A2ML1: variants seen among roughly 807,000 people sequenced by gnomAD.
A2ML1 encodes the protein alpha-2-macroglobulin-like protein 1.
A neutral mutation model predicts 181.9 loss-of-function variants in A2ML1; 161 were observed. That is an observed-to-expected ratio of 0.89 (90% CI 0.78 to 1.01). A2ML1 has a LOEUF of 1.01. A2ML1 is among the 50% of genes least tolerant of loss of function. The pLI, the probability that A2ML1 is intolerant of heterozygous loss-of-function variation, is 0.00. For synonymous variants in A2ML1, 663 were observed against 666.8 expected, an observed-to-expected ratio of 0.99 and a Z score of 0.09; for missense variants, 1,670 against 1,768.1, an observed-to-expected ratio of 0.94 and a Z score of 1.00.
At position 8,836,332 on chromosome 12, in the gene A2ML1, T is replaced by G. The variant is rs755860036; in HGVS notation, c.721T>G (p.Cys241Gly). ...TVQESFLVKI[C>G]CRYTYGKPML... ...GCAGGAATCTTTCTTAGTAAAAATTTGTTGTAGGTAAGAGCAGAAGCTTGG... is the reference window on the plus strand; with the variant it reads ...GCAGGAATCTTTCTTAGTAAAAATTGGTTGTAGGTAAGAGCAGAAGCTTGG... Residue 241 changes from cysteine (C) to glycine (G), a missense_variant, in exon 7 of 36, where the codon TGT (cysteine) becomes GGT (glycine). Physicochemically the swap from Cys to Gly is radical, Grantham distance 159 (BLOSUM62 -3). Transcript: ENST00000299698. The G allele has an allele frequency of 1.7e-5, 28 of 1,613,734 alleles. No homozygotes were observed. Among genetic ancestry groups the G allele is most frequent in the Non-Finnish European group, 1.9e-5 (22 of 1,179,834 alleles).
Position 8,847,618 on chromosome 12 carries a change from C to T in A2ML1, c.1753C>T (p.Pro585Ser), listed in dbSNP as rs773327464. The change falls in exon 15 of 36, where the codon CCC (proline) becomes TCC (serine). Residue 585 changes from proline to serine, a missense_variant. Coordinates refer to ENST00000299698, the MANE Select transcript of A2ML1 (RefSeq NM_144670.6). ...AEVELQLQAA[P>S]GSLCALRAVD... is the part of the protein sequence containing the mutation. ...AGTGGAGCTGCAGCTGCAGGCAGCT[C>T]CCGGATCCCTGTGTGCGCTCCGGGC... 1 of 1,613,746 alleles carries T rather than the reference C, an allele frequency of 6.2e-7. No individual in the cohort carries two copies. The highest frequency in any genetic ancestry group is 1.3e-5 in the African/African-American group (1 of 75,026).
Position 8,858,022 on chromosome 12 carries a change from G to T in A2ML1, c.3184G>T (p.Ala1062Ser). The T allele has an allele frequency of 6.2e-7, 1 of 1,614,152 alleles. No individual in the cohort carries two copies. Among genetic ancestry groups the T allele is most frequent in the Non-Finnish European group, 8.5e-7 (1 of 1,180,042 alleles). The part of the protein sequence containing the change: ...IFIDPKNIQD[A>S]LKWMAGNQLP... ...CATTGATCCCAAGAACATCCAGGAT[G>T]CTCTCAAGTGGATGGCAGGAAACCA... The change falls in exon 26 of 36, where the codon GCT (alanine) becomes TCT (serine). Residue 1062 changes from alanine (A) to serine (S), a missense_variant. Physicochemically the swap from Ala to Ser is moderately conservative, Grantham distance 99. Coordinates refer to ENST00000299698, the MANE Select transcript of A2ML1 (RefSeq NM_144670.6).
chr12:8,874,344 C>T (rs1345691921), intron 33 of A2ML1, 81 bp from the exon 34 acceptor site: 1 of 1,139,228 alleles, frequency 8.8e-7, no homozygotes, highest in Non-Finnish European at 1.3e-6. Flanking sequence ...ATGAAGACAG[C>T]AAGGGTCTTT....
chr12:8,884,793 A>G (rs1014822915), intron 7 of A2ML1, among the ~76,000 whole-genome samples: 22 of 152,148 alleles, frequency 1.4e-4, no homozygotes, highest in African/African-American at 4.6e-4. Context: ...CTGTTTCTGC[A>G]TTAGTTTGCT....
At chr12:8,845,744 G>A (rs1306645079) in intron 13 of A2ML1, among the ~76,000 whole-genome samples, 1 of 151,878 alleles carries the variant, frequency 6.6e-6, no homozygotes, top group Non-Finnish European at 1.5e-5. Context: ...CAGCTACTCG[G>A]GAGGCTGAGG....
chr12:8,857,835 A>G, intron 25 of A2ML1, 111 bp from the exon 26 acceptor site: 2 of 1,443,280 alleles, frequency 1.4e-6, no homozygotes, highest in Non-Finnish European at 1.9e-6. Context: ...GCTATGGCAT[A>G]TGTTCCCTCA....
chr12:8,830,941 CT>C (rs755018380), intron 4 of A2ML1: 9,407 of 138,614 alleles, frequency 0.068, 831 homozygotes, highest in African/African-American at 0.21. Context: ...GTACTTCTTA[CT>C]TTTTTTTTTT....
intron 3 of A2ML1, among the ~76,000 whole-genome samples, chr12:8,827,118 A>T (rs770412654): frequency 2.2e-4 from 33 of 151,906 alleles, no homozygotes; most frequent in Non-Finnish European, 3.2e-4. Flanking sequence ...AGGTGGGCAA[A>T]TCACCTGAGA....
At chr12:8,883,093 A>C (rs1944885391) in intron 7 of A2ML1, among the ~76,000 whole-genome samples, 1 of 152,028 alleles carries the variant, frequency 6.6e-6, no homozygotes, top group East Asian at 1.9e-4. Flanking sequence ...CTGGTCCTTC[A>C]AGGAATGGCC....
At chr12:8,856,022 A>G (rs1944052084) in intron 23 of A2ML1, among the ~76,000 whole-genome samples, 1 of 152,234 alleles carries the variant, frequency 6.6e-6, no homozygotes, top group Admixed American at 6.5e-5. Flanking sequence ...CGTAGAAATC[A>G]TATCTAACCT....
At chr12:8,846,943 T>A (rs1215585238) in intron 14 of A2ML1, among the ~76,000 whole-genome samples, 2 of 151,952 alleles carry the variant, frequency 1.3e-5, no homozygotes, top group Admixed American at 6.6e-5. Flanking sequence ...CTATTTTTTT[T>A]ATTTTTTATA....
chr12:8,868,226 C>G lies in A2ML1; in HGVS notation c.3934-4C>G, dbSNP rs1422449330. ...TGATTTGGCTACCTATTTCTTCCTA[C>G]CAGACGGTGTTGAGATACAATATTC... is the stretch of plus-strand genomic sequence containing the variant. On this transcript the variant is annotated splice_region_variant and splice_polypyrimidine_tract_variant and intron_variant, in intron 30 of 35. Transcript: ENST00000299698. 1 of 1,613,786 alleles carries G rather than the reference C, an allele frequency of 6.2e-7. No individual in the cohort carries two copies. The highest frequency in any genetic ancestry group is 8.5e-7 in the Non-Finnish European group (1 of 1,179,996).
chr12:8,829,938 A>G, intron 4 of A2ML1, 159 bp downstream of exon 4: 1 of 792,460 alleles, frequency 1.3e-6, no homozygotes, highest in Admixed American at 2.6e-5. Flanking sequence ...GGCGAGCTTC[A>G]GGGAGCTAGC....
At chr12:8,854,682 C>T (rs1285584605) in intron 21 of A2ML1, 98 bp from the exon 22 acceptor site, 2 of 1,343,172 alleles carry the variant, frequency 1.5e-6, no homozygotes, top group Non-Finnish European at 2.1e-6. Flanking sequence ...GAGGGAAGCC[C>T]TGGGGGCACA....
Position 8,848,708 on chromosome 12 carries a change from C to A in A2ML1, c.1834-12C>A, listed in dbSNP as rs771794782. The A allele has an allele frequency of 3.9e-5, 62 of 1,581,652 alleles. No homozygotes were observed. The highest frequency in any genetic ancestry group is 4.6e-5 in the Non-Finnish European group (53 of 1,163,676). ...TATCAATGCTTTATTTCCTCTCCCCCTCTTGTCCCAGGTCTATGGGATGTT... is the reference window on the plus strand; with the variant it reads ...TATCAATGCTTTATTTCCTCTCCCCATCTTGTCCCAGGTCTATGGGATGTT... On this transcript the variant is annotated splice_polypyrimidine_tract_variant and intron_variant, in intron 15 of 35. Transcript: ENST00000299698.
intron 29 of A2ML1, among the ~76,000 whole-genome samples, chr12:8,865,541 AACAACAACAAC>A (rs1944397663): frequency 6.6e-6 from 1 of 152,178 alleles, no homozygotes; most frequent in Admixed American, 6.5e-5. Context: ...ACTCCGTCTC[AACAACAACAAC>A]ACAACAACAA....
intron 28 of A2ML1, among the ~76,000 whole-genome samples, chr12:8,863,125 G>A (rs1453991093): frequency 3.3e-5 from 5 of 150,012 alleles, no homozygotes; most frequent in African/African-American, 1.2e-4. Context: ...TTTTGAGACT[G>A]GGTTTCGCTC....
In A2ML1 at chr12:8,851,879, G is replaced by A. The variant is rs954480269; in HGVS notation, c.2330G>A (p.Gly777Glu). The change falls in exon 19 of 36, where the codon GGG becomes GAG. Residue 777 changes from glycine to glutamate, a missense_variant. By Grantham distance (98) the Gly-to-Glu change is moderately conservative. Transcript: ENST00000299698. ...SFCTSQSRGF[G>E]LSPTVGLTAF... ...TGCACTTCCCAGTCAAGAGGCTTCG[G>A]GCTTTCACCCACTGTTGGACTAACT... 5.6e-6 allele frequency: 9 copies of A among 1,614,064 alleles called. No homozygotes were observed. The highest frequency in any genetic ancestry group is 7.6e-6 in the Non-Finnish European group (9 of 1,180,056).
chr12:8,839,742 TTTTTG>T (rs765219464), intron 10 of A2ML1, among the ~76,000 whole-genome samples: 5 of 152,102 alleles, frequency 3.3e-5, no homozygotes, highest in African/African-American at 9.7e-5. Context: ...TTTCTTTCTG[TTTTTG>T]TTTTGTTTTG....
Sources: allele counts gnomAD v4.1 joint callset (sites outside exome capture counted in the v4.1 genomes callset), GRCh38; gene constraint gnomAD v4.1.1; transcripts MANE v1.5; gene names NCBI Gene and HGNC (gene_info 2026-07-23, HGNC 2026-07-21).